ABCB6: variants seen among roughly 807,000 people sequenced by gnomAD.
The protein encoded by ABCB6 is ATP-binding cassette sub-family B member 6.
A neutral mutation model predicts 99.4 loss-of-function variants in ABCB6; 87 were observed. That is an observed-to-expected ratio of 0.88 (90% CI 0.74 to 1.05). ABCB6 has a LOEUF of 1.05. Among genes scored for constraint, ABCB6 ranks in the 50% least tolerant of loss-of-function variants. The probability of loss-of-function intolerance (pLI) is 0.00; values close to 1 mark genes in which losing one functional copy is unlikely to be tolerated. For missense variants in ABCB6, 1,050 were observed against 1,097.9 expected, an observed-to-expected ratio of 0.96 and a Z score of 0.62; for synonymous variants, 482 against 447.5, an observed-to-expected ratio of 1.08 and a Z score of -0.97.
At chr2:219,214,218 G>A in intron 7 of ABCB6, 32 bp from the exon 8 acceptor site, 1 of 1,608,110 alleles carries the variant, frequency 6.2e-7, no homozygotes, top group Non-Finnish European at 8.5e-7. Context: ...TATTTGGCAT[G>A]GGCACAGCAC....
At position 219,210,215 on chromosome 2, in the gene ABCB6, C is replaced by A; in HGVS notation, c.2420+15G>T. On this transcript the variant is annotated intron_variant, in intron 18 of 18. Coordinates refer to ENST00000265316, the MANE Select transcript of ABCB6 (RefSeq NM_005689.4). ...AATTCAGAAGACCTGTCCTTTTGAT[C>A]TATGTGTCTCTTACCGTCCCCTCTC... is the stretch of plus-strand genomic sequence containing the variant. The A allele has an allele frequency of 6.2e-7, 1 of 1,614,190 alleles. No individual in the cohort carries two copies.
chr2:219,217,920 T>TAAAA, intron 1 of ABCB6, 113 bp from the exon 2 acceptor site: 18 of 1,184,544 alleles, frequency 1.5e-5, no homozygotes, highest in Non-Finnish European at 1.7e-5. Context: ...CTTACAGGCT[T>TAAAA]AAAAAAAAAA....
At chr2:219,210,500 T>G in intron 16 of ABCB6, 25 bp from the exon 17 acceptor site, 1 of 1,608,690 alleles carries the variant, frequency 6.2e-7, no homozygotes, top group Non-Finnish European at 8.5e-7. Context: ...CAGGTAAAAC[T>G]GCTCCTGCCA....
chr2:219,213,764 G>T, intron 9 of ABCB6, 62 bp downstream of exon 9: 1 of 1,613,448 alleles, frequency 6.2e-7, no homozygotes, highest in East Asian at 2.2e-5. Flanking sequence ...CTGGTGACCA[G>T]ACACAGGCCT....
In ABCB6 at chr2:219,210,055, A is replaced by T; in HGVS notation, c.2421-9T>A. ...ACAACAGAGCCTCGTGTCTGGGGTGAGGAGAAAAGTGTGAGTCCTAACCAT... is the reference window on the plus strand; with the variant it reads ...ACAACAGAGCCTCGTGTCTGGGGTGTGGAGAAAAGTGTGAGTCCTAACCAT... On this transcript the variant is annotated splice_polypyrimidine_tract_variant and intron_variant, in intron 18 of 18. Coordinates refer to ENST00000265316, the MANE Select transcript of ABCB6 (RefSeq NM_005689.4). 6.2e-7 allele frequency: 1 copy of T among 1,613,386 alleles called. No individual in the cohort carries two copies. The highest frequency in any genetic ancestry group is 8.5e-7 in the Non-Finnish European group (1 of 1,179,480).
chr2:219,216,489 C>T lies in ABCB6; in HGVS notation c.869-24G>A, dbSNP rs377371201. The T allele has an allele frequency of 1.6e-5, 25 of 1,609,146 alleles. No homozygotes were observed. Among genetic ancestry groups the T allele is most frequent in the Non-Finnish European group, 2.1e-5 (25 of 1,175,982 alleles). On this transcript the variant is annotated intron_variant, in intron 3 of 18. Transcript: ENST00000265316. The surrounding 1 kb of genome is among the most constrained non-coding windows in gnomAD (Gnocchi z 4.2). The stretch of plus-strand genomic sequence containing the variant: ...CACTGTGGAGGAAACGAGTCAGAAC[C>T]CACTTATGGCGCCCAGGACTCTCTT...
At position 219,214,109 on chromosome 2, in the gene ABCB6, T is replaced by G; in HGVS notation, c.1452+12A>C. On this transcript the variant is annotated intron_variant, in intron 8 of 18. Transcript: ENST00000265316. ...GCATTATTCTCCGGAGGCCTCAAAC[T>G]AGCATCCTCACCTGATATTTGATGA... 1 of 1,613,978 alleles carries G rather than the reference T, an allele frequency of 6.2e-7. No individual in the cohort carries two copies. The highest frequency in any genetic ancestry group is 8.5e-7 in the Non-Finnish European group (1 of 1,179,862).
In ABCB6 at chr2:219,212,284, A is replaced by T. The variant is rs1180726745; in HGVS notation, c.1968+103T>A. On this transcript the variant is annotated intron_variant, in intron 14 of 18. Coordinates refer to ENST00000265316, the MANE Select transcript of ABCB6 (RefSeq NM_005689.4). The stretch of plus-strand genomic sequence containing the variant: ...GGTTATATCATGCTAGAATGGCCCT[A>T]GTTTTTTTGCAAGGGTGACATCTCC... 3.3e-6 allele frequency: 3 copies of T among 921,954 alleles called. No homozygotes were observed. In the East Asian group the frequency reaches 7.3e-5, roughly 23 times the overall value. 57.1% of individuals were successfully genotyped at this position (921,954 alleles called of 1,614,324 possible).
chr2:219,209,869 G>T lies in ABCB6; in HGVS notation c.*69C>A. Reference sequence around the variant, plus strand: ...ATACCCCAAGACCAGGATGAAATAAGCCAGGGAAAGGAGACACATCTTATT... The same window carrying T: ...ATACCCCAAGACCAGGATGAAATAATCCAGGGAAAGGAGACACATCTTATT... On this transcript the variant is annotated 3_prime_UTR_variant, in exon 19 of 19. Transcript: ENST00000265316. 1 of 1,216,252 alleles carries T rather than the reference G, an allele frequency of 8.2e-7. No individual in the cohort carries two copies. The highest frequency in any genetic ancestry group is 1.2e-6 in the Non-Finnish European group (1 of 818,618). The allele number at this position is 1,216,252 out of a possible 1,614,324, so 75.3% of individuals were successfully genotyped here.
chr2:219,216,136 G>A lies in ABCB6; in HGVS notation c.1015C>T (p.Gln339Ter). The change falls in exon 5 of 19, where the codon CAG (glutamine) becomes TAG (stop). Residue 339 changes from glutamine to a stop codon, truncating the protein, a stop_gained. Coordinates refer to ENST00000265316, the MANE Select transcript of ABCB6 (RefSeq NM_005689.4). LOFTEE classifies it high-confidence loss of function. The surrounding 1 kb of genome is among the most constrained non-coding windows in gnomAD (Gnocchi z 4.2). ...LRTFLWIRVQ[Q>*]FTSRRVELLI... ...AGCTCCACCCGCCGAGACGTGAACTGCTGCACCCGGATCCACAGGAAGGTG... is the reference window on the plus strand; with the variant it reads ...AGCTCCACCCGCCGAGACGTGAACTACTGCACCCGGATCCACAGGAAGGTG... The A allele has an allele frequency of 1.2e-6, 2 of 1,602,446 alleles. No individual in the cohort carries two copies. The highest frequency in any genetic ancestry group is 8.5e-7 in the Non-Finnish European group (1 of 1,174,710).
chr2:219,217,696 C>T lies in ABCB6; in HGVS notation c.661G>A (p.Glu221Lys), dbSNP rs779244570. The T allele has an allele frequency of 6.2e-7, 1 of 1,612,546 alleles. No homozygotes were observed. The highest frequency in any genetic ancestry group is 8.5e-7 in the Non-Finnish European group (1 of 1,179,528). Reference sequence around the variant, plus strand: ...TGGCTCCTTTCCACATCTTGGTCCTCTTCATGAACCTGCAATGTATAGGAC... The same window carrying T: ...TGGCTCCTTTCCACATCTTGGTCCTTTTCATGAACCTGCAATGTATAGGAC... ...PQSYTLQVHE[E>K]DQDVERSQVR... Residue 221 changes from glutamate (E) to lysine (K), a missense_variant, in exon 2 of 19, where the codon GAG (glutamate) becomes AAG (lysine). Glu to Lys is a moderately conservative substitution (Grantham distance 56). Coordinates refer to ENST00000265316, the MANE Select transcript of ABCB6 (RefSeq NM_005689.4).
Position 219,210,838 on chromosome 2 carries a change from C to A in ABCB6, c.2144-15G>T. The A allele has an allele frequency of 6.2e-7, 1 of 1,613,764 alleles. No individual in the cohort carries two copies. Among genetic ancestry groups the A allele is most frequent in the East Asian group, 2.2e-5 (1 of 44,860 alleles). On this transcript the variant is annotated splice_polypyrimidine_tract_variant and intron_variant, in intron 15 of 18. Transcript: ENST00000265316. ...TGTCCTGTACCCTGTGGATATTACC[C>A]ACCACACGTTTCTTACGAAACGGAG...
chr2:219,217,689 T>G lies in ABCB6; in HGVS notation c.668A>C (p.Gln223Pro). The part of the protein sequence containing the change: ...SYTLQVHEED[Q>P]DVERSQVRSA... ...GTGTACCTGGCTCCTTTCCACATCT[T>G]GGTCCTCTTCATGAACCTGCAATGT... The change falls in exon 2 of 19, where the codon CAA (glutamine) becomes CCA (proline). Residue 223 changes from glutamine to proline, a missense_variant. Coordinates refer to ENST00000265316, the MANE Select transcript of ABCB6 (RefSeq NM_005689.4). 1.9e-6 allele frequency: 3 copies of G among 1,609,548 alleles called. No individual in the cohort carries two copies. The highest frequency in any genetic ancestry group is 2.5e-6 in the Non-Finnish European group (3 of 1,178,622).
At position 219,211,147 on chromosome 2, in the gene ABCB6, C is replaced by G. The variant is rs746495500; in HGVS notation, c.1969-39G>C. ...ACCACACACTCTGCCTTATGAGATA[C>G]CCCCAAGGCCTGGGAGGCAGGGTGG... On this transcript the variant is annotated intron_variant, in intron 14 of 18. Transcript: ENST00000265316. The G allele has an allele frequency of 3.1e-6, 5 of 1,605,000 alleles. No individual in the cohort carries two copies. In the South Asian group the frequency reaches 5.5e-5, roughly 18 times the overall value.
At chr2:219,214,606 C>G in intron 6 of ABCB6, 108 bp from the exon 7 acceptor site, 1 of 828,736 alleles carries the variant, frequency 1.2e-6, no homozygotes, top group Non-Finnish European at 2.0e-6. Context: ...ATGCTCAAGC[C>G]CGGACACCCA....
chr2:219,215,013 G>A lies in ABCB6; in HGVS notation c.1224C>T (p.Phe408=), dbSNP rs200980024. Residue 408 remains phenylalanine, a synonymous_variant, in exon 6 of 19, where the codon TTC becomes TTT. Transcript: ENST00000265316. Reference sequence around the variant, plus strand: ...CAATGAGGCCAAACCAGGCGTTGAAGAACATGCTGAAGTAGATGATGCCAA... The same window carrying A: ...CAATGAGGCCAAACCAGGCGTTGAAAAACATGCTGAAGTAGATGATGCCAA... ...IIIGIIYFSM[F]FNAWFGLIVF... 1.9e-5 allele frequency: 31 copies of A among 1,614,054 alleles called. No homozygotes were observed. The highest frequency in any genetic ancestry group is 2.5e-5 in the Non-Finnish European group (30 of 1,180,038).
chr2:219,211,301 T>A (rs1010111795), intron 14 of ABCB6, among the ~76,000 whole-genome samples, 193 bp from the exon 15 acceptor site: 17 of 152,192 alleles, frequency 1.1e-4, no homozygotes, highest in African/African-American at 4.1e-4. Flanking sequence ...ACCAGATTGC[T>A]GCAGATGTTT....
At position 219,217,820 on chromosome 2, in the gene ABCB6, A is replaced by AT. The variant is rs986690780; in HGVS notation, c.550-14dup. On this transcript the variant is annotated splice_polypyrimidine_tract_variant and intron_variant, in intron 1 of 18. Transcript: ENST00000265316. Reference sequence around the variant, plus strand: ...GGCTAAACTGAACCTAGAATGAAATATAAGTGGAGAGAGTATCATTGAGGA... The same window carrying AT: ...GGCTAAACTGAACCTAGAATGAAATATTAAGTGGAGAGAGTATCATTGAGGA... 3 of 1,609,554 alleles carry AT rather than the reference A, an allele frequency of 1.9e-6. No homozygotes were observed. In the African/African-American group the frequency reaches 4.0e-5, roughly 22 times the overall value.
In ABCB6 at chr2:219,218,422, C is replaced by T. The variant is rs1469974386; in HGVS notation, c.252G>A (p.Ala84=). Residue 84 remains alanine (A), a synonymous_variant, in exon 1 of 19, where the codon GCG becomes GCA. Transcript: ENST00000265316. ...VLQLLLATLQ[A]ALPLAGLAGR... ...CAGCCAGGCCGGCCAGGGGCAGCGC[C>T]GCCTGAAGTGTGGCCAGAAGCAGCT... 2 of 1,610,900 alleles carry T rather than the reference C, an allele frequency of 1.2e-6. No homozygotes were observed. Among genetic ancestry groups the T allele is most frequent in the African/African-American group, 1.3e-5 (1 of 74,910 alleles).
Sources: allele counts gnomAD v4.1 joint callset (sites outside exome capture counted in the v4.1 genomes callset), GRCh38; gene constraint gnomAD v4.1.1; non-coding constraint Gnocchi (gnomAD v3.1); transcripts MANE v1.5; gene names NCBI Gene and HGNC (gene_info 2026-07-23, HGNC 2026-07-21).